SND1: variants seen among roughly 807,000 people sequenced by gnomAD.
SND1 encodes staphylococcal nuclease domain-containing protein 1.
A neutral mutation model predicts 121.7 loss-of-function variants in SND1; 38 were observed. That is an observed-to-expected ratio of 0.31 (90% CI 0.24 to 0.41). The LOEUF (loss-of-function observed/expected upper bound fraction) is 0.41. Ranked by LOEUF, SND1 falls within the 10% of genes least tolerant of loss-of-function variation. The pLI is 1.00. For synonymous variants in SND1, 401 were observed against 447.4 expected, an observed-to-expected ratio of 0.90 and a Z score of 1.31; for missense variants, 868 against 1,184.6, an observed-to-expected ratio of 0.73 and a Z score of 3.92.
intron 16 of SND1, among the ~76,000 whole-genome samples, chr7:128,035,899 C>G (rs1792741287): frequency 6.6e-6 from 1 of 152,164 alleles, no homozygotes; most frequent in Non-Finnish European, 1.5e-5. Flanking sequence ...ATCCCTGAGG[C>G]ATTATCCTGA....
intron 10 of SND1, among the ~76,000 whole-genome samples, chr7:127,746,606 C>T (rs923686428): frequency 3.3e-5 from 5 of 152,170 alleles, no homozygotes; most frequent in African/African-American, 9.7e-5. Flanking sequence ...AAATGTCCCT[C>T]TTTTCCAATT....
chr7:127,890,036 A>G (rs529454930), intron 13 of SND1, among the ~76,000 whole-genome samples: 30 of 152,192 alleles, frequency 2.0e-4, no homozygotes, highest in African/African-American at 7.0e-4. Context: ...TTTAGGCGGT[A>G]TATACCCAGC....
chr7:127,734,324 G>C (rs1796734695), intron 10 of SND1, among the ~76,000 whole-genome samples: 1 of 152,120 alleles, frequency 6.6e-6, no homozygotes, highest in African/African-American at 2.4e-5. Context: ...GGGAATAGTA[G>C]AGTTTCTTAG....
At chr7:127,726,686 A>C (rs1796587960) in intron 10 of SND1, among the ~76,000 whole-genome samples, 1 of 152,154 alleles carries the variant, frequency 6.6e-6, no homozygotes, top group Non-Finnish European at 1.5e-5. Flanking sequence ...TGTTAATGAC[A>C]AAGGAAACAG....
intron 1 of SND1, among the ~76,000 whole-genome samples, chr7:127,680,195 G>A (rs542386475): frequency 3.6e-4 from 55 of 152,134 alleles, no homozygotes; most frequent in Non-Finnish European, 5.0e-4. Flanking sequence ...CAGAGATCAC[G>A]TACTTCACAA....
intron 1 of SND1, among the ~76,000 whole-genome samples, chr7:127,675,638 A>T (rs749010362): frequency 2.0e-5 from 3 of 152,162 alleles, no homozygotes; most frequent in Non-Finnish European, 4.4e-5. Flanking sequence ...TAATAGCCTG[A>T]GTACTTGACC....
intron 12 of SND1, among the ~76,000 whole-genome samples, chr7:127,847,752 G>A (rs905850875): frequency 2.6e-5 from 4 of 152,202 alleles, no homozygotes; most frequent in Admixed American, 6.5e-5. Context: ...CCCGAAGTGC[G>A]TAGATGCCAA....
intron 15 of SND1, among the ~76,000 whole-genome samples, chr7:127,975,879 A>C (rs1802108923): frequency 6.6e-6 from 1 of 152,218 alleles, no homozygotes. Context: ...GTTAGTAGGC[A>C]GGTCCGGCTC....
At chr7:127,828,737 A>G (rs919307737) in intron 11 of SND1, among the ~76,000 whole-genome samples, 1 of 152,224 alleles carries the variant, frequency 6.6e-6, no homozygotes, top group Non-Finnish European at 1.5e-5. Context: ...TAATAAATTT[A>G]TAGCTCAAAA....
At chr7:127,704,815 C>G in intron 7 of SND1, 24 bp from the exon 8 acceptor site, 6 of 1,567,258 alleles carry the variant, frequency 3.8e-6, no homozygotes, top group African/African-American at 1.3e-5. Context: ...TCCGTGCCTG[C>G]CTCTCATGTA....
At chr7:127,836,605 C>T in intron 11 of SND1, among the ~76,000 whole-genome samples, 1 of 152,104 alleles carries the variant, frequency 6.6e-6, no homozygotes, top group East Asian at 1.9e-4. Context: ...TAAATTTCAG[C>T]ATTTTATAAT....
intron 9 of SND1, among the ~76,000 whole-genome samples, chr7:127,710,950 C>T (rs1796287393): frequency 6.6e-6 from 1 of 152,112 alleles, no homozygotes; most frequent in South Asian, 2.1e-4. Flanking sequence ...TTCTAGTTTC[C>T]TGCAAAATTT....
At chr7:127,827,580 T>C (rs1312075456) in intron 11 of SND1, among the ~76,000 whole-genome samples, 1 of 152,234 alleles carries the variant, frequency 6.6e-6, no homozygotes, top group African/African-American at 2.4e-5. Flanking sequence ...TGGATTGTTT[T>C]TCTAGACTTT....
chr7:127,929,732 G>A lies in SND1; in HGVS notation c.1669+403G>A, dbSNP rs148417363. ...AGAGGAGCCAAGACACTCTTCCCCT[G>A]TAGCTCCCCAAGCAGTGCCCTTTGT... On this transcript the variant is annotated intron_variant, in intron 15 of 23. Transcript: ENST00000354725. Among the ~76,000 whole-genome samples the A allele has an allele frequency of 3.9e-5, 6 of 152,244 alleles. No individual in the cohort carries two copies. The East Asian group carries it at 1.2e-3, about 29-fold the overall frequency.
chr7:127,981,782 C>G (rs181980001), intron 15 of SND1, among the ~76,000 whole-genome samples: 1 of 152,302 alleles, frequency 6.6e-6, no homozygotes, highest in African/African-American at 2.4e-5. Flanking sequence ...TAAGTCATCC[C>G]TTCCTTGCCT....
intron 13 of SND1, among the ~76,000 whole-genome samples, chr7:127,896,483 C>T (rs1009201552): frequency 2.6e-5 from 4 of 152,144 alleles, no homozygotes; most frequent in Non-Finnish European, 5.9e-5. Flanking sequence ...GAATTCTCAG[C>T]ACCCTGCCCC....
intron 15 of SND1, among the ~76,000 whole-genome samples, chr7:127,943,660 T>C (rs866213904): frequency 1.3e-5 from 2 of 152,134 alleles, no homozygotes; most frequent in African/African-American, 4.8e-5. Flanking sequence ...CTCTAGAGAC[T>C]TGAGAGAGGT....
chr7:128,018,315 T>C (rs1188130834), intron 16 of SND1, among the ~76,000 whole-genome samples: 1 of 152,242 alleles, frequency 6.6e-6, no homozygotes, highest in African/African-American at 2.4e-5. Flanking sequence ...GGGCCAGCTC[T>C]CTGGGTCCAA....
At position 127,694,820 on chromosome 7, in the gene SND1, T is replaced by A. The variant is rs770828407; in HGVS notation, c.229-8T>A. 1.3e-5 allele frequency: 21 copies of A among 1,613,566 alleles called. No individual in the cohort carries two copies. Among genetic ancestry groups the A allele is most frequent in the Middle Eastern group, 1.7e-4 (1 of 6,058 alleles). ...GTTCTCATGTGACATATTTGTTTTG[T>A]CTTTCAGCCCTGGGCATTTCCAGCT... is the stretch of plus-strand genomic sequence containing the variant. On this transcript the variant is annotated splice_polypyrimidine_tract_variant and splice_region_variant and intron_variant, in intron 2 of 23. Coordinates refer to ENST00000354725, the MANE Select transcript of SND1 (RefSeq NM_014390.4).
Sources: gnomAD v4.1 joint callset for allele counts (sites outside exome capture counted in the v4.1 genomes callset) on GRCh38, gnomAD v4.1.1 for gene constraint, MANE v1.5 for transcripts, NCBI Gene and HGNC (gene_info 2026-07-23, HGNC 2026-07-21) for gene names.